WWOX: variants seen among roughly 807,000 people sequenced by gnomAD.
WWOX encodes the protein WW domain-containing oxidoreductase.
A neutral mutation model predicts 46.2 loss-of-function variants in WWOX; 69 were observed. The ratio of observed to expected loss-of-function variants is 1.49; its 90% CI spans 1.23 to 1.82. The LOEUF is 1.82. WWOX is among the 40% of genes most tolerant of loss of function. The pLI is 0.00. For missense variants in WWOX, 919 were observed against 542.6 expected, an observed-to-expected ratio of 1.69 and a Z score of -6.89; for synonymous variants, 359 against 202.6, an observed-to-expected ratio of 1.77 and a Z score of -6.56.
intron 8 of WWOX, among the ~76,000 whole-genome samples, chr16:79,008,337 A>C (rs1374584453): frequency 1.3e-5 from 2 of 152,184 alleles, no homozygotes; most frequent in African/African-American, 4.8e-5. Context: ...TAGCGATTAG[A>C]TCAGTCCCAC....
intron 8 of WWOX, among the ~76,000 whole-genome samples, chr16:78,927,621 G>A (rs570937428): frequency 2.6e-5 from 4 of 152,242 alleles, no homozygotes; most frequent in Non-Finnish European, 4.4e-5. Context: ...ATTTGCAGTT[G>A]TATTTTCCTT....
chr16:78,981,265 G>A (rs1446273509), intron 8 of WWOX, among the ~76,000 whole-genome samples: 1 of 152,034 alleles, frequency 6.6e-6, no homozygotes, highest in East Asian at 1.9e-4. Flanking sequence ...GGATTTCTCT[G>A]CGCTGGCTGA....
intron 8 of WWOX, among the ~76,000 whole-genome samples, chr16:79,122,998 C>T (rs1597394555): frequency 6.6e-6 from 1 of 152,172 alleles, no homozygotes. Flanking sequence ...TGCCCTTTTC[C>T]TTCTTCTCTC....
intron 5 of WWOX, among the ~76,000 whole-genome samples, chr16:78,378,081 G>A (rs534254830): frequency 6.6e-6 from 1 of 152,180 alleles, no homozygotes; most frequent in East Asian, 1.9e-4. Context: ...GGCAAACTCA[G>A]CCTCTGTTCT....
chr16:78,123,309 G>T (rs185227107), intron 4 of WWOX: 1 of 151,864 alleles, frequency 6.6e-6, no homozygotes, highest in East Asian at 1.9e-4. Flanking sequence ...GCTTTTGAGT[G>T]TGCTGGCCTA....
At chr16:79,059,128 T>C (rs2048316253) in intron 8 of WWOX, among the ~76,000 whole-genome samples, 1 of 152,228 alleles carries the variant, frequency 6.6e-6, no homozygotes, top group African/African-American at 2.4e-5. Context: ...TTAATTTAAT[T>C]CACAGGGAGT....
chr16:78,735,899 C>A (rs1175191167), intron 8 of WWOX, among the ~76,000 whole-genome samples: 6 of 142,036 alleles, frequency 4.2e-5, no homozygotes, highest in Non-Finnish European at 9.3e-5. Flanking sequence ...TATCCAGAAA[C>A]CGTATACCCA....
intron 7 of WWOX, among the ~76,000 whole-genome samples, chr16:78,425,823 T>G (rs2083062587): frequency 6.6e-6 from 1 of 152,134 alleles, no homozygotes; most frequent in Admixed American, 6.5e-5. Context: ...GAACTTACAC[T>G]CTTAGCAAAG....
In WWOX at chr16:78,890,655, C is replaced by A. The variant is rs1052962783; in HGVS notation, c.1057-320953C>A. 9.9e-5 allele frequency: 15 copies of A among 152,218 alleles called. 1 individual carries two copies. Among genetic ancestry groups the A allele is most frequent in the Admixed American group, 9.2e-4 (14 of 15,286 alleles). The allele number at this position is 152,218 out of a possible 1,614,324, so 9.4% of individuals were successfully genotyped here. A position where few individuals can be genotyped will look rare whatever the true frequency, so the allele number is the denominator to read the frequency against. Reference sequence around the variant, plus strand: ...GGTCTGCTCACTCAGCCAGTATTTTCCACAGCCAGTCTTTCCCTAGACCAG... The same window carrying A: ...GGTCTGCTCACTCAGCCAGTATTTTACACAGCCAGTCTTTCCCTAGACCAG... On this transcript the variant is annotated intron_variant, in intron 8 of 8. Coordinates refer to ENST00000566780, the MANE Select transcript of WWOX (RefSeq NM_016373.4).
At chr16:79,179,856 A>G (rs1597450914) in intron 8 of WWOX, among the ~76,000 whole-genome samples, 2 of 152,242 alleles carry the variant, frequency 1.3e-5, no homozygotes, top group East Asian at 3.8e-4. Flanking sequence ...ACTTAACCAA[A>G]TGAGTCTAAG....
chr16:79,208,282 A>T lies in WWOX; in HGVS notation c.1057-3326A>T, dbSNP rs570361270. 4.1e-4 allele frequency among the ~76,000 whole-genome samples: 62 copies of T among 152,122 alleles called. No homozygotes were observed. In the Middle Eastern group the frequency reaches 0.01, roughly 25 times the overall value. On this transcript the variant is annotated intron_variant, in intron 8 of 8. Transcript: ENST00000566780. ...AATTCTCAGTCCTGTGTCGTCAACA[A>T]CCTAACTCATTGCCATTGCTGCGGG...
chr16:78,103,568 C>T (rs968258399), intron 1 of WWOX, among the ~76,000 whole-genome samples: 2 of 152,072 alleles, frequency 1.3e-5, no homozygotes, highest in African/African-American at 4.8e-5. Context: ...CATCCTAACC[C>T]GACATTCCCT....
chr16:79,002,704 A>C (rs578101372), intron 8 of WWOX, among the ~76,000 whole-genome samples: 1 of 152,264 alleles, frequency 6.6e-6, no homozygotes, highest in East Asian at 1.9e-4. Context: ...GACTGTGCCT[A>C]TTCCCATTTC....
chr16:79,093,131 C>G (rs1408620679), intron 8 of WWOX, among the ~76,000 whole-genome samples: 2 of 152,006 alleles, frequency 1.3e-5, no homozygotes, highest in African/African-American at 4.8e-5. Context: ...AAGTCTACAT[C>G]AATGAAAAGA....
At chr16:78,581,533 A>G (rs921476749) in intron 8 of WWOX, among the ~76,000 whole-genome samples, 4 of 152,334 alleles carry the variant, frequency 2.6e-5, no homozygotes, top group East Asian at 1.9e-4. Context: ...GTCGTCTTAC[A>G]CGTTAATGGT....
At chr16:78,748,867 T>C (rs2049411992) in intron 8 of WWOX, among the ~76,000 whole-genome samples, 1 of 152,362 alleles carries the variant, frequency 6.6e-6, no homozygotes, top group East Asian at 1.9e-4. Context: ...GGAGCATCTT[T>C]GCAGGGGAGG....
intron 8 of WWOX, among the ~76,000 whole-genome samples, chr16:78,617,326 C>A (rs2046050416): frequency 6.6e-6 from 1 of 150,714 alleles, no homozygotes; most frequent in Non-Finnish European, 1.5e-5. Context: ...CACTTGAGCC[C>A]AGGAGGCAGA....
chr16:78,723,766 C>T (rs1431616585), intron 8 of WWOX, among the ~76,000 whole-genome samples: 2 of 151,934 alleles, frequency 1.3e-5, no homozygotes, highest in South Asian at 4.1e-4. Context: ...CCACCTCTGC[C>T]AAGGTCAAAA....
chr16:78,270,223 C>G (rs2151845666), intron 5 of WWOX: 1 of 152,148 alleles, frequency 6.6e-6, no homozygotes, highest in Non-Finnish European at 1.5e-5. Context: ...CACAGTGATC[C>G]TCGGGTCTCT....
Sources: allele counts gnomAD v4.1 joint callset (sites outside exome capture counted in the v4.1 genomes callset), GRCh38; gene constraint gnomAD v4.1.1; transcripts MANE v1.5; gene names NCBI Gene and HGNC (gene_info 2026-07-23, HGNC 2026-07-21).